DDX60L: variants seen among roughly 807,000 people sequenced by gnomAD.
The protein encoded by DDX60L is DExD/H-box 60 like.
In DDX60L, 191 loss-of-function variants were observed where a neutral mutation model predicts 211.6. The ratio of observed to expected loss-of-function variants is 0.90; its 90% CI spans 0.80 to 1.02. The LOEUF is 1.02. Among genes scored for constraint, DDX60L ranks in the 50% least tolerant of loss-of-function variants. DDX60L has a pLI of 0.00. For synonymous variants in DDX60L, 706 were observed against 694.1 expected, an observed-to-expected ratio of 1.02 and a Z score of -0.27; for missense variants, 2,007 against 1,984.1, an observed-to-expected ratio of 1.01 and a Z score of -0.22.
intron 30 of DDX60L, among the ~76,000 whole-genome samples, chr4:168,382,352 T>C (rs1435190961): frequency 1.3e-5 from 2 of 152,192 alleles, no homozygotes; most frequent in African/African-American, 2.4e-5. Flanking sequence ...CAGTTTCCTT[T>C]GAGTAGTGGA....
chr4:168,472,425 G>T (rs771511911), intron 3 of DDX60L, 30 bp downstream of exon 3: 2 of 1,466,008 alleles, frequency 1.4e-6, no homozygotes, highest in Middle Eastern at 1.7e-4. Flanking sequence ...CAATAGTATA[G>T]CTCCTTCTTT....
At chr4:168,399,264 G>T in intron 26 of DDX60L, among the ~76,000 whole-genome samples, 1 of 46,348 alleles carries the variant, frequency 2.2e-5, no homozygotes, top group East Asian at 1.1e-3. Context: ...GAGAAGAGCT[G>T]CAGCCCTTCA....
At chr4:168,403,254 C>A (rs534984038) in intron 25 of DDX60L, among the ~76,000 whole-genome samples, 1 of 152,346 alleles carries the variant, frequency 6.6e-6, no homozygotes, top group East Asian at 1.9e-4. Context: ...ACTTCGGATG[C>A]GTAACAGAAC....
chr4:168,434,688 A>C (rs1004106245), intron 10 of DDX60L, among the ~76,000 whole-genome samples: 1 of 152,226 alleles, frequency 6.6e-6, no homozygotes, highest in Non-Finnish European at 1.5e-5. Flanking sequence ...AGAAACCTAC[A>C]GCATTGGCTA....
At chr4:168,405,436 T>C (rs998557594) in intron 24 of DDX60L, among the ~76,000 whole-genome samples, 62 of 152,266 alleles carry the variant, frequency 4.1e-4, no homozygotes, top group Admixed American at 3.8e-3. Flanking sequence ...CTTCTCAGCA[T>C]AGCCACCTAC....
In DDX60L at chr4:168,430,358, T is replaced by A. The variant is rs1052292358; in HGVS notation, c.1677+120A>T. The A allele has an allele frequency of 1.9e-5, 17 of 878,094 alleles. 1 individual carries two copies. In the South Asian group the frequency reaches 3.6e-4, roughly 19 times the overall value. The allele number at this position is 878,094 out of a possible 1,614,324, so 54.4% of individuals were successfully genotyped here. ...TCTTTCTAGCAATGTGAGAATGGACTAAGACAGTTAGCAAACATGAGAAAG... is the reference window on the plus strand; with the variant it reads ...TCTTTCTAGCAATGTGAGAATGGACAAAGACAGTTAGCAAACATGAGAAAG... On this transcript the variant is annotated intron_variant, in intron 13 of 37. Transcript: ENST00000682922.
chr4:168,404,646 T>C lies in DDX60L; in HGVS notation c.3214-540A>G, dbSNP rs146336975. 2.1e-4 allele frequency among the ~76,000 whole-genome samples: 32 copies of C among 152,196 alleles called. No individual in the cohort carries two copies. In the East Asian group the frequency reaches 4.3e-3, roughly 20 times the overall value. ...CAATGGCCAATAGAAGTGTAATAAG[T>C]TGTTCACCTCAGATATTGTTGAAAT... On this transcript the variant is annotated intron_variant, in intron 24 of 37. Transcript: ENST00000682922.
At chr4:168,455,264 T>A (rs1756381197) in intron 7 of DDX60L, among the ~76,000 whole-genome samples, 1 of 80,704 alleles carries the variant, frequency 1.2e-5, no homozygotes, top group Non-Finnish European at 2.4e-5. Flanking sequence ...CTAGACTGCA[T>A]ACAAACTTTG....
chr4:168,468,552 T>C (rs1758329942), intron 4 of DDX60L, among the ~76,000 whole-genome samples: 1 of 152,130 alleles, frequency 6.6e-6, no homozygotes, highest in Non-Finnish European at 1.5e-5. Flanking sequence ...AGTAGGGAAA[T>C]AATGGATACT....
At chr4:168,406,545 A>G (rs1405173955) in intron 23 of DDX60L, 57 bp downstream of exon 23, 1 of 1,289,536 alleles carries the variant, frequency 7.8e-7, no homozygotes, top group Non-Finnish European at 1.1e-6. Flanking sequence ...ATTTTGCTAT[A>G]TTCTGGAATA....
chr4:168,477,939 G>T (rs767657529), intron 1 of DDX60L, among the ~76,000 whole-genome samples: 7 of 152,182 alleles, frequency 4.6e-5, no homozygotes, highest in Non-Finnish European at 1.0e-4. Flanking sequence ...CTGGAAAGAA[G>T]AGAATTGGCT....
Position 168,396,133 on chromosome 4 carries a change from TA to T in DDX60L, c.3492-10del, listed in dbSNP as rs5863929. Reference sequence around the variant, plus strand: ...TTGGGTTTTTTTTAGTGCTACTATTTAAAAAAAAAAAAAAACTTTTAAGTAA... The same window carrying T: ...TTGGGTTTTTTTTAGTGCTACTATTTAAAAAAAAAAAAAACTTTTAAGTAA... On this transcript the variant is annotated splice_polypyrimidine_tract_variant and intron_variant, in intron 26 of 37. Transcript: ENST00000682922. 0.033 allele frequency: 38,170 copies of T among 1,156,226 alleles called. 43 individuals are homozygous for T. The highest frequency in any genetic ancestry group is 0.052 in the Middle Eastern group (166 of 3,176). 71.6% of individuals were successfully genotyped at this position (1,156,226 alleles called of 1,614,324 possible).
chr4:168,460,194 T>C (rs1283910485), intron 5 of DDX60L, among the ~76,000 whole-genome samples: 3 of 152,192 alleles, frequency 2.0e-5, no homozygotes, highest in Non-Finnish European at 4.4e-5. Flanking sequence ...GGAACAAGAC[T>C]AGATTCACTC....
At chr4:168,479,184 G>A (rs1760044854) in intron 1 of DDX60L, among the ~76,000 whole-genome samples, 2 of 152,024 alleles carry the variant, frequency 1.3e-5, no homozygotes, top group Admixed American at 6.5e-5. Flanking sequence ...AGGAGCTATA[G>A]ACAAAAACTT....
intron 10 of DDX60L, 49 bp downstream of exon 10, chr4:168,441,288 G>C (rs1226568531): frequency 6.7e-7 from 1 of 1,497,060 alleles, no homozygotes; most frequent in East Asian, 2.3e-5. Context: ...TCTAAAAGTT[G>C]TTCAGGACAA....
intron 14 of DDX60L, among the ~76,000 whole-genome samples, chr4:168,425,915 T>G (rs1462414825): frequency 1.3e-5 from 2 of 152,222 alleles, no homozygotes; most frequent in African/African-American, 4.8e-5. Context: ...GGAAATAGTA[T>G]GCACACATCA....
rs78561945 is a variant in DDX60L at position 168,452,973 on chromosome 4, A to C, written c.996+151T>G. 3,280 of 781,064 alleles carry C rather than the reference A, an allele frequency of 4.2e-3. 84 individuals are homozygous for C. The African/African-American group carries it at 0.052, about 12-fold the overall frequency. 48.4% of individuals were successfully genotyped at this position (781,064 alleles called of 1,614,324 possible). A position where few individuals can be genotyped will look rare whatever the true frequency, so the allele number is the denominator to read the frequency against. On this transcript the variant is annotated intron_variant, in intron 8 of 37. Transcript: ENST00000682922. The stretch of plus-strand genomic sequence containing the variant: ...AAACAGATATACTGTGGTTTTCCTC[A>C]TTACACTACCAAAAATAAAAGTTGT...
chr4:168,443,954 A>T (rs1404206032), intron 9 of DDX60L, among the ~76,000 whole-genome samples: 4 of 116,930 alleles, frequency 3.4e-5, no homozygotes, highest in Admixed American at 2.7e-4. Context: ...CGAGACTAGG[A>T]AGAAACTGCA....
At chr4:168,422,491 T>C in intron 16 of DDX60L, 33 bp downstream of exon 16, 2 of 1,577,340 alleles carry the variant, frequency 1.3e-6, no homozygotes, top group South Asian at 2.4e-5. Flanking sequence ...GAAGTCACAC[T>C]GATTAGAAAA....
Sources: gnomAD v4.1 joint callset for allele counts (sites outside exome capture counted in the v4.1 genomes callset) on GRCh38, gnomAD v4.1.1 for gene constraint, MANE v1.5 for transcripts, NCBI Gene and HGNC (gene_info 2026-07-23, HGNC 2026-07-21) for gene names.